The following CACHD1 variants were observed in gnomAD, a reference collection of about 807,000 sequenced individuals.
The protein encoded by CACHD1 is cache domain containing 1, also known as VWFA and cache domain-containing protein 1.
A neutral mutation model predicts 138.7 loss-of-function variants in CACHD1; 71 were observed. The ratio of observed to expected loss-of-function variants is 0.51; its 90% CI spans 0.42 to 0.62. The LOEUF (loss-of-function observed/expected upper bound fraction) is 0.62. Among genes scored for constraint, CACHD1 ranks in the 20% least tolerant of loss-of-function variants. The pLI is 0.00. For missense variants in CACHD1, 1,389 were observed against 1,625.3 expected (o/e 0.85, Z 2.50); for synonymous variants, 578 against 591.5 (o/e 0.98, Z 0.33).
chr1:64,537,424 T>G (rs967380591), intron 1 of CACHD1, among the ~76,000 whole-genome samples: 3 of 152,142 alleles, frequency 2.0e-5, no homozygotes, highest in Non-Finnish European at 4.4e-5. Flanking sequence ...CTCAGACAGG[T>G]GTTCCCATCA....
chr1:64,539,297 C>T (rs758927893), intron 1 of CACHD1, among the ~76,000 whole-genome samples: 11 of 152,282 alleles, frequency 7.2e-5, no homozygotes, highest in Non-Finnish European at 1.5e-4. Context: ...ATCCTTTTAA[C>T]GGCTATTTAT....
chr1:64,648,373 G>A (rs529095835), intron 9 of CACHD1, among the ~76,000 whole-genome samples: 25 of 152,238 alleles, frequency 1.6e-4, no homozygotes, highest in Non-Finnish European at 2.6e-4. Context: ...TGGCATCATC[G>A]CACAAACATG....
intron 1 of CACHD1, among the ~76,000 whole-genome samples, chr1:64,507,182 C>T (rs902618303): frequency 3.9e-5 from 6 of 152,192 alleles, no homozygotes; most frequent in African/African-American, 1.4e-4. Context: ...ACTTTAGGAT[C>T]ACAGCTACCT....
chr1:64,586,185 T>C (rs1017032608), intron 3 of CACHD1, among the ~76,000 whole-genome samples: 1 of 152,208 alleles, frequency 6.6e-6, no homozygotes, highest in Admixed American at 6.5e-5. Context: ...CGCCTCAGTC[T>C]CCCAAGAAGC....
intron 1 of CACHD1, among the ~76,000 whole-genome samples, chr1:64,486,399 T>TACAC (rs1174652990): frequency 4.2e-5 from 6 of 144,058 alleles, no homozygotes; most frequent in Non-Finnish European, 9.3e-5. Flanking sequence ...CACATACACA[T>TACAC]ACACACACAC....
chr1:64,618,421 A>G lies in CACHD1; in HGVS notation c.518-10934A>G, dbSNP rs544155610. ...CTAACTACACTTCCTTCCATTTTCC[A>G]TAAAGCTCTTTTGCCTCCCCTGCTT... On this transcript the variant is annotated intron_variant, in intron 4 of 26. Coordinates refer to ENST00000651257, the MANE Select transcript of CACHD1 (RefSeq NM_020925.4). Among the ~76,000 whole-genome samples, 238 of 152,258 alleles carry G rather than the reference A, an allele frequency of 1.6e-3. 3 individuals carry two copies. Among genetic ancestry groups the G allele is most frequent in the African/African-American group, 5.5e-3 (229 of 41,548 alleles).
intron 16 of CACHD1, among the ~76,000 whole-genome samples, chr1:64,671,007 G>T (rs1243595395): frequency 6.6e-6 from 1 of 152,186 alleles, no homozygotes; most frequent in Non-Finnish European, 1.5e-5. Flanking sequence ...CTATGGACCA[G>T]GAGAGTCTTG....
At chr1:64,538,179 C>A (rs183523101) in intron 1 of CACHD1, among the ~76,000 whole-genome samples, 1 of 152,140 alleles carries the variant, frequency 6.6e-6, no homozygotes, top group African/African-American at 2.4e-5. Context: ...ACCTGGGAGT[C>A]ATTTATGTAA....
At chr1:64,566,807 A>T (rs1250218054) in intron 2 of CACHD1, among the ~76,000 whole-genome samples, 1 of 151,900 alleles carries the variant, frequency 6.6e-6, no homozygotes, top group Non-Finnish European at 1.5e-5. Flanking sequence ...TGTAATTGGG[A>T]TGCTCTTTAA....
chr1:64,646,319 G>A (rs1251151168), intron 8 of CACHD1, among the ~76,000 whole-genome samples: 1 of 152,168 alleles, frequency 6.6e-6, no homozygotes, highest in Non-Finnish European at 1.5e-5. Context: ...TCTGTGCCGT[G>A]CAAAGGGAAC....
At chr1:64,575,067 A>C (rs1646956690) in intron 2 of CACHD1, among the ~76,000 whole-genome samples, 1 of 152,186 alleles carries the variant, frequency 6.6e-6, no homozygotes, top group Non-Finnish European at 1.5e-5. Flanking sequence ...ATATTTCCCC[A>C]GTTACTACTA....
intron 21 of CACHD1, 47 bp from the exon 22 acceptor site, chr1:64,676,848 A>C (rs1329931248): frequency 1.4e-6 from 2 of 1,475,454 alleles, no homozygotes; most frequent in Non-Finnish European, 1.9e-6. Context: ...ATGAGTTTGG[A>C]ATGTGGGCGG....
At chr1:64,690,578 C>T (rs965494214) in intron 26 of CACHD1, among the ~76,000 whole-genome samples, 1 of 152,150 alleles carries the variant, frequency 6.6e-6, no homozygotes, top group African/African-American at 2.4e-5. Flanking sequence ...GGGCAGCTAA[C>T]ACAGAGAATA....
In CACHD1 at chr1:64,673,398, A is replaced by G. The variant is rs1197927640; in HGVS notation, c.2661A>G (p.Lys887=). The G allele has an allele frequency of 6.2e-7, 1 of 1,614,186 alleles. No individual in the cohort carries two copies. Among genetic ancestry groups the G allele is most frequent in the Non-Finnish European group, 8.5e-7 (1 of 1,180,026 alleles). Residue 887 remains lysine, a synonymous_variant, in exon 19 of 27, where the codon AAA becomes AAG. Transcript: ENST00000651257. ...DILNHPNFVK[K]NLCNSFSDRT... Reference sequence around the variant, plus strand: ...TCAACCACCCCAACTTTGTAAAGAAAAACCTGTGCAACAGCTTCAGTGACA... The same window carrying G: ...TCAACCACCCCAACTTTGTAAAGAAGAACCTGTGCAACAGCTTCAGTGACA...
At chr1:64,672,469 A>G (rs572408228) in intron 17 of CACHD1, among the ~76,000 whole-genome samples, 1 of 152,330 alleles carries the variant, frequency 6.6e-6, no homozygotes, top group South Asian at 2.1e-4. Context: ...AGACAGAAAG[A>G]CCACATTCAC....
rs970039795 is a variant in CACHD1 at position 64,529,310 on chromosome 1, C to T, written c.199-21284C>T. The stretch of plus-strand genomic sequence containing the variant: ...CTCTTTCTTGCGTCTTTCATTTTGA[C>T]TAGGTAAAAACTAACACACTCAAAA... On this transcript the variant is annotated intron_variant, in intron 1 of 26. Coordinates refer to ENST00000651257, the MANE Select transcript of CACHD1 (RefSeq NM_020925.4). Among the ~76,000 whole-genome samples, 7 of 152,102 alleles carry T rather than the reference C, an allele frequency of 4.6e-5. No individual in the cohort carries two copies. In the East Asian group the frequency reaches 1.4e-3, roughly 29 times the overall value.
intron 3 of CACHD1, among the ~76,000 whole-genome samples, chr1:64,583,101 A>G (rs781763365): frequency 6.6e-5 from 10 of 152,220 alleles, no homozygotes; most frequent in African/African-American, 9.6e-5. Flanking sequence ...TTGCATGACA[A>G]GTGCTCTTGC....
chr1:64,585,435 C>A (rs969761965), intron 3 of CACHD1, among the ~76,000 whole-genome samples: 2 of 152,166 alleles, frequency 1.3e-5, no homozygotes, highest in Non-Finnish European at 2.9e-5. Flanking sequence ...GTTAGTTGAA[C>A]ATCCATGAGA....
chr1:64,552,221 T>A (rs1393216389), intron 2 of CACHD1, among the ~76,000 whole-genome samples: 1 of 152,108 alleles, frequency 6.6e-6, no homozygotes, highest in African/African-American at 2.4e-5. Flanking sequence ...TAGAAGCCTT[T>A]AACAATAATT....
Sources: gnomAD v4.1 joint callset for allele counts (sites outside exome capture counted in the v4.1 genomes callset) on GRCh38, gnomAD v4.1.1 for gene constraint, MANE v1.5 for transcripts, NCBI Gene and HGNC (gene_info 2026-07-23, HGNC 2026-07-21) for gene names.